PDS5B: variants seen among roughly 807,000 people sequenced by gnomAD.
PDS5B encodes the protein PDS5 cohesin associated factor B.
A neutral mutation model predicts 184.1 loss-of-function variants in PDS5B; 51 were observed. That is an observed-to-expected ratio of 0.28 (90% CI 0.22 to 0.35). The LOEUF (loss-of-function observed/expected upper bound fraction) is 0.35. Ranked by LOEUF, PDS5B falls within the 10% of genes least tolerant of loss-of-function variation. The pLI is 1.00. For missense variants in PDS5B, 1,180 were observed against 1,723.3 expected (o/e 0.68, Z 5.58); for synonymous variants, 566 against 569.2 (o/e 0.99, Z 0.08).
chr13:32,707,162 G>A lies in PDS5B; in HGVS notation c.1962+123G>A, dbSNP rs909117459. 7.7e-6 allele frequency: 4 copies of A among 517,164 alleles called. No individual in the cohort carries two copies. In the African/African-American group the frequency reaches 7.9e-5, roughly 10 times the overall value. 32.0% of individuals were successfully genotyped at this position (517,164 alleles called of 1,614,324 possible). On this transcript the variant is annotated intron_variant, in intron 18 of 34. Transcript: ENST00000315596. ...AATCCAAAGTAAAATTTTCTCAGTT[G>A]TTTTAGATGATTTAGAAGTTGTATA...
chr13:32,620,250 G>T (rs2058279061), intron 1 of PDS5B, among the ~76,000 whole-genome samples: 1 of 152,152 alleles, frequency 6.6e-6, no homozygotes, highest in Admixed American at 6.5e-5. Context: ...TTGAGTTTCT[G>T]TATAGACAGT....
chr13:32,643,584 C>T (rs758042873), intron 1 of PDS5B, among the ~76,000 whole-genome samples: 8 of 152,048 alleles, frequency 5.3e-5, no homozygotes, highest in Non-Finnish European at 8.8e-5. Context: ...ATGGTGGTTC[C>T]ATAAGCTTAT....
intron 1 of PDS5B, among the ~76,000 whole-genome samples, chr13:32,625,402 A>AT (rs2058356022): frequency 6.6e-6 from 1 of 152,158 alleles, no homozygotes; most frequent in African/African-American, 2.4e-5. Flanking sequence ...TACATATACA[A>AT]ATCTCTGCAC....
chr13:32,725,583 A>G (rs1183973097), intron 19 of PDS5B, among the ~76,000 whole-genome samples: 1 of 152,204 alleles, frequency 6.6e-6, no homozygotes, highest in Non-Finnish European at 1.5e-5. Flanking sequence ...TGTATAAGTC[A>G]TGACTCTATG....
intron 7 of PDS5B, among the ~76,000 whole-genome samples, chr13:32,669,987 C>T (rs1811883154): frequency 6.6e-6 from 1 of 152,064 alleles, no homozygotes; most frequent in Admixed American, 6.6e-5. Flanking sequence ...ATTCTTAGCC[C>T]TTTTGGACTT....
chr13:32,722,486 G>T (rs898538366), intron 19 of PDS5B, among the ~76,000 whole-genome samples: 6 of 152,220 alleles, frequency 3.9e-5, no homozygotes, highest in African/African-American at 1.4e-4. Context: ...ACAGTAACAT[G>T]TAGTACAAGT....
intron 19 of PDS5B, among the ~76,000 whole-genome samples, chr13:32,725,576 A>G (rs553013054): frequency 6.6e-5 from 10 of 152,222 alleles, no homozygotes; most frequent in East Asian, 3.8e-4. Flanking sequence ...TTGCTAATGT[A>G]TAAGTCATGA....
chr13:32,754,820 C>A (rs189950509), intron 25 of PDS5B, among the ~76,000 whole-genome samples: 3 of 152,092 alleles, frequency 2.0e-5, no homozygotes, highest in African/African-American at 7.2e-5. Flanking sequence ...GTTAGCCATT[C>A]TTATTTTGGT....
intron 6 of PDS5B, among the ~76,000 whole-genome samples, chr13:32,661,296 A>C (rs950394211): frequency 2.9e-5 from 4 of 139,766 alleles, no homozygotes; most frequent in African/African-American, 7.8e-5. Flanking sequence ...AGGCAGGAGA[A>C]TTGCTTGAAC....
chr13:32,701,902 T>C (rs931006089), intron 17 of PDS5B, among the ~76,000 whole-genome samples: 1 of 152,170 alleles, frequency 6.6e-6, no homozygotes, highest in Non-Finnish European at 1.5e-5. Context: ...TGTTGTTTTT[T>C]AAAACAACTC....
intron 30 of PDS5B, among the ~76,000 whole-genome samples, chr13:32,761,302 T>G (rs1242093904): frequency 6.6e-6 from 1 of 152,224 alleles, no homozygotes; most frequent in Non-Finnish European, 1.5e-5. Context: ...ACCACGTACA[T>G]ATATAAACTT....
chr13:32,621,201 C>T (rs770015371), intron 1 of PDS5B, among the ~76,000 whole-genome samples: 10 of 152,208 alleles, frequency 6.6e-5, no homozygotes, highest in Non-Finnish European at 1.3e-4. Context: ...CGGTGGCTCA[C>T]GCCTGTAATC....
chr13:32,663,665 T>G (rs1381212148), intron 6 of PDS5B, among the ~76,000 whole-genome samples: 1 of 152,186 alleles, frequency 6.6e-6, no homozygotes, highest in Admixed American at 6.5e-5. Flanking sequence ...AAATACTGCT[T>G]CTGTTCAGGC....
intron 10 of PDS5B, 116 bp downstream of exon 10, chr13:32,679,045 A>G: frequency 1.8e-6 from 1 of 546,724 alleles, no homozygotes; most frequent in South Asian, 2.6e-5. Context: ...GTCTTGTTTT[A>G]GTTTAAGGTC....
chr13:32,760,427 G>A, intron 29 of PDS5B, 148 bp from the exon 30 acceptor site: 1 of 668,278 alleles, frequency 1.5e-6, no homozygotes, highest in Non-Finnish European at 2.5e-6. Context: ...GTGATATTTA[G>A]TTTATACTTA....
At chr13:32,669,756 G>T (rs1752385700) in intron 7 of PDS5B, among the ~76,000 whole-genome samples, 2 of 152,076 alleles carry the variant, frequency 1.3e-5, no homozygotes, top group Admixed American at 6.5e-5. Context: ...TATATACTTT[G>T]TCTCAGTACG....
At position 32,753,229 on chromosome 13, in the gene PDS5B, C is replaced by T. The variant is rs567880190; in HGVS notation, c.2737-103C>T. On this transcript the variant is annotated intron_variant, in intron 24 of 34. Coordinates refer to ENST00000315596, the MANE Select transcript of PDS5B (RefSeq NM_015032.4). ...CAGTGAAGCAATTATTGTAGATAAA[C>T]TTGCTACTGTTTACTCTTTACTTAA... The T allele has an allele frequency of 4.9e-6, 4 of 814,914 alleles. No individual in the cohort carries two copies. In the East Asian group the frequency reaches 7.6e-5, roughly 15 times the overall value. 50.5% of individuals were successfully genotyped at this position (814,914 alleles called of 1,614,324 possible).
chr13:32,596,571 C>T lies in PDS5B; in HGVS notation c.-20+9978C>T, dbSNP rs76855157. Among the ~76,000 whole-genome samples, 1,288 of 152,266 alleles carry T rather than the reference C, an allele frequency of 8.5e-3. 21 individuals carry two copies. The highest frequency in any genetic ancestry group is 0.03 in the African/African-American group (1,244 of 41,552). ...TATGTGTGTTTAACTTTACAGGAAA[C>T]TAGTTTTTCAAAGTGGTTTTCCTTT... On this transcript the variant is annotated intron_variant, in intron 1 of 34. Transcript: ENST00000315596.
chr13:32,753,257 T>C (rs1270571691), intron 24 of PDS5B, 75 bp from the exon 25 acceptor site: 2 of 1,242,136 alleles, frequency 1.6e-6, no homozygotes, highest in Non-Finnish European at 1.2e-6. Flanking sequence ...TTACTTAAAA[T>C]AGCAAATTTT....
Sources: gnomAD v4.1 joint callset for allele counts (sites outside exome capture counted in the v4.1 genomes callset) on GRCh38, gnomAD v4.1.1 for gene constraint, MANE v1.5 for transcripts, NCBI Gene and HGNC (gene_info 2026-07-23, HGNC 2026-07-21) for gene names.